The following CNGB3 variants were observed in gnomAD, a reference collection of about 807,000 sequenced individuals.
CNGB3 encodes cyclic nucleotide gated channel subunit beta 3.
In CNGB3, 86 loss-of-function variants were observed where a neutral mutation model predicts 92.8. The ratio of observed to expected loss-of-function variants is 0.93; its 90% CI spans 0.78 to 1.11. CNGB3 has a LOEUF of 1.11. Among genes scored for constraint, CNGB3 ranks in the 50% least tolerant of loss-of-function variants. CNGB3 has a pLI of 0.00. For synonymous variants in CNGB3, 333 were observed against 332.7 expected (o/e 1.00, Z -0.01); for missense variants, 1,026 against 956.8 (o/e 1.07, Z -0.95).
chr8:86,724,410 G>A (rs1248455311), intron 3 of CNGB3, among the ~76,000 whole-genome samples: 2 of 152,094 alleles, frequency 1.3e-5, no homozygotes, highest in South Asian at 2.1e-4. Context: ...TCTCCTCCTG[G>A]AGAAGCTGTA....
At position 86,612,685 on chromosome 8, in the gene CNGB3, A is replaced by G. The variant is rs529359702; in HGVS notation, c.1579-1014T>C. Among the ~76,000 whole-genome samples, 140 of 152,364 alleles carry G rather than the reference A, an allele frequency of 9.2e-4. 6 individuals are homozygous for G. In the South Asian group the frequency reaches 0.028, roughly 30 times the overall value. Reference sequence around the variant, plus strand: ...GACTGATAAGGCAAGCTAATAATTTATGATTGAAGTATCTCCAAGTAGCCA... The same window carrying G: ...GACTGATAAGGCAAGCTAATAATTTGTGATTGAAGTATCTCCAAGTAGCCA... On this transcript the variant is annotated intron_variant, in intron 13 of 17. Transcript: ENST00000320005.
chr8:86,634,986 C>T (rs192732444), intron 10 of CNGB3, among the ~76,000 whole-genome samples: 33 of 149,308 alleles, frequency 2.2e-4, no homozygotes, highest in Admixed American at 6.0e-4. Context: ...TAACCTAGTT[C>T]CTTGTTATAG....
At chr8:86,696,656 C>G (rs1476156174) in intron 3 of CNGB3, among the ~76,000 whole-genome samples, 1 of 152,112 alleles carries the variant, frequency 6.6e-6, no homozygotes, top group Non-Finnish European at 1.5e-5. Flanking sequence ...GAATTGACAC[C>G]TTTATCATTA....
chr8:86,600,162 C>A (rs1585961250), intron 15 of CNGB3, among the ~76,000 whole-genome samples: 1 of 152,214 alleles, frequency 6.6e-6, no homozygotes, highest in East Asian at 1.9e-4. Flanking sequence ...CTTTTGGTTC[C>A]CAAATAACCT....
chr8:86,625,228 C>T (rs977296069), intron 13 of CNGB3, among the ~76,000 whole-genome samples: 2 of 152,090 alleles, frequency 1.3e-5, no homozygotes, highest in Non-Finnish European at 2.9e-5. Flanking sequence ...ACATTTTATG[C>T]GTTTATTTTT....
intron 15 of CNGB3, among the ~76,000 whole-genome samples, chr8:86,600,876 C>T (rs147190893): frequency 1.7e-3 from 244 of 147,662 alleles, no homozygotes; most frequent in African/African-American, 5.8e-3. Context: ...GTGATCTACC[C>T]GCCTCAGCCT....
intron 3 of CNGB3, among the ~76,000 whole-genome samples, chr8:86,705,674 T>G (rs540085698): frequency 2.5e-4 from 38 of 152,148 alleles, no homozygotes; most frequent in African/African-American, 8.7e-4. Flanking sequence ...ACATGAGCGC[T>G]GGGGGTTCAG....
In CNGB3 at chr8:86,735,042, G is replaced by GGTTTTTTTTTTTTTTTTTT. The variant is rs1554618958; in HGVS notation, c.211+4612_211+4613insAAAAAAAAAAAAAAAAAAC. Among the ~76,000 whole-genome samples, 8 of 85,872 alleles carry GGTTTTTTTTTTTTTTTTTT rather than the reference G, an allele frequency of 9.3e-5. 2 individuals carry two copies. Among genetic ancestry groups the GGTTTTTTTTTTTTTTTTTT allele is most frequent in the South Asian group, 4.0e-4 (1 of 2,488 alleles). 56.3% of individuals were successfully genotyped at this position (85,872 alleles called of 152,430 possible). On this transcript the variant is annotated intron_variant, in intron 2 of 17. Transcript: ENST00000320005. ...CATGTCAAATTCTCAAATGCCGGTG[G>GGTTTTTTTTTTTTTTTTTT]TTTTTTTTTTTTTTTTTTTTTTTTT...
intron 3 of CNGB3, among the ~76,000 whole-genome samples, chr8:86,676,625 AG>A (rs1194944023): frequency 6.6e-6 from 1 of 152,202 alleles, no homozygotes; most frequent in Non-Finnish European, 1.5e-5. Flanking sequence ...TAAAATATGT[AG>A]GTTAATGTCA....
At chr8:86,615,535 G>A (rs1457980832) in intron 13 of CNGB3, among the ~76,000 whole-genome samples, 6 of 152,024 alleles carry the variant, frequency 3.9e-5, no homozygotes, top group Non-Finnish European at 5.9e-5. Context: ...CCTGGGAGGC[G>A]GAGGTTGCAG....
chr8:86,743,166 C>G (rs1261714562), intron 1 of CNGB3, among the ~76,000 whole-genome samples: 1 of 152,166 alleles, frequency 6.6e-6, no homozygotes, highest in Non-Finnish European at 1.5e-5. Flanking sequence ...GACCAGGATA[C>G]TTGATGTTCT....
chr8:86,712,033 A>T (rs1257695313), intron 3 of CNGB3, among the ~76,000 whole-genome samples: 3 of 152,082 alleles, frequency 2.0e-5, no homozygotes, highest in Admixed American at 6.6e-5. Flanking sequence ...CAATTAAAGT[A>T]CACTGTGCTT....
chr8:86,722,700 G>A (rs187965840), intron 3 of CNGB3, among the ~76,000 whole-genome samples: 1 of 152,284 alleles, frequency 6.6e-6, no homozygotes, highest in East Asian at 1.9e-4. Flanking sequence ...CAAAGAAGCT[G>A]ACTCTCCTGA....
chr8:86,660,765 C>A, intron 6 of CNGB3: 1 of 522,880 alleles, frequency 1.9e-6, no homozygotes, highest in Non-Finnish European at 3.9e-6. Flanking sequence ...ACCACTCAAA[C>A]AAATGGAGGA....
At chr8:86,665,736 C>T (rs1823729272) in intron 6 of CNGB3, among the ~76,000 whole-genome samples, 1 of 151,994 alleles carries the variant, frequency 6.6e-6, no homozygotes, top group Admixed American at 6.6e-5. Context: ...CTGGGGATGA[C>T]TAGAGGGAGG....
At chr8:86,668,439 A>C (rs1823790262) in intron 4 of CNGB3, among the ~76,000 whole-genome samples, 1 of 152,168 alleles carries the variant, frequency 6.6e-6, no homozygotes, top group African/African-American at 2.4e-5. Flanking sequence ...TACCTATGTA[A>C]CAAACCTGCA....
At chr8:86,717,881 C>T (rs1347385687) in intron 3 of CNGB3, among the ~76,000 whole-genome samples, 1 of 152,048 alleles carries the variant, frequency 6.6e-6, no homozygotes, top group Non-Finnish European at 1.5e-5. Flanking sequence ...CATGCAAACA[C>T]ACGAAAATTA....
chr8:86,629,919 A>G (rs1384391975), intron 11 of CNGB3, among the ~76,000 whole-genome samples: 1 of 152,188 alleles, frequency 6.6e-6, no homozygotes, highest in Non-Finnish European at 1.5e-5. Flanking sequence ...CTGTGGGTTT[A>G]TACTAGGGAG....
At chr8:86,742,792 G>A (rs769349695) in intron 1 of CNGB3, among the ~76,000 whole-genome samples, 1 of 152,198 alleles carries the variant, frequency 6.6e-6, no homozygotes, top group Middle Eastern at 3.4e-3. Context: ...TACCTACCAT[G>A]TGCTTTATAT....
Sources: allele counts gnomAD v4.1 joint callset (sites outside exome capture counted in the v4.1 genomes callset), GRCh38; gene constraint gnomAD v4.1.1; transcripts MANE v1.5; gene names NCBI Gene and HGNC (gene_info 2026-07-23, HGNC 2026-07-21).